EIF2AK3: variants seen among roughly 807,000 people sequenced by gnomAD.
EIF2AK3 encodes the protein eukaryotic translation initiation factor 2-alpha kinase 3.
In EIF2AK3, 50 loss-of-function variants were observed where a neutral mutation model predicts 113.5. The ratio of observed to expected loss-of-function variants is 0.44; its 90% confidence interval spans 0.35 to 0.56. The LOEUF (loss-of-function observed/expected upper bound fraction) is 0.56, where lower values mean the gene tolerates loss of function less well. EIF2AK3 is among the 20% of genes least tolerant of loss of function. EIF2AK3 has a pLI of 0.00. For synonymous variants in EIF2AK3, 448 were observed against 495.4 expected, an observed-to-expected ratio of 0.90 and a Z score of 1.27; for missense variants, 1,185 against 1,378.0, an observed-to-expected ratio of 0.86 and a Z score of 2.22.
At chr2:88,570,572 C>T (rs1206892268) in intron 14 of EIF2AK3, among the ~76,000 whole-genome samples, 6 of 152,160 alleles carry the variant, frequency 3.9e-5, no homozygotes, top group Non-Finnish European at 8.8e-5. Context: ...ACAAGGCAAA[C>T]GAGTTAAGTT....
chr2:88,607,373 T>C (rs970978310), intron 2 of EIF2AK3, among the ~76,000 whole-genome samples: 1 of 152,236 alleles, frequency 6.6e-6, no homozygotes, highest in Non-Finnish European at 1.5e-5. Flanking sequence ...TACTATTAAC[T>C]GGCAAAAATA....
In EIF2AK3 at chr2:88,613,739, G is replaced by T. The variant is rs1473288789; in HGVS notation, c.423C>A (p.Ser141Arg). ...AAATTCTTACCTCTGGTTTGCTAAG[G>T]CTGGATGACACCAAGGAACCGGATC... ...DVGSGSLVSSSLSKPEVFGNK... is the reference protein window; with the variant it reads ...DVGSGSLVSSRLSKPEVFGNK... The change falls in exon 2 of 17, where the codon AGC becomes AGA. Residue 141 changes from serine (S) to arginine (R), a missense_variant. Ser to Arg is a moderately radical substitution (Grantham distance 110). Coordinates refer to ENST00000303236, the MANE Select transcript of EIF2AK3 (RefSeq NM_004836.7). 1.9e-6 allele frequency: 3 copies of T among 1,614,034 alleles called. No individual in the cohort carries two copies. The highest frequency in any genetic ancestry group is 2.5e-6 in the Non-Finnish European group (3 of 1,179,968).
chr2:88,598,931 G>A (rs1401002088), intron 2 of EIF2AK3, among the ~76,000 whole-genome samples: 1 of 152,018 alleles, frequency 6.6e-6, no homozygotes, highest in Non-Finnish European at 1.5e-5. Context: ...GGGAATGGGG[G>A]AGAAGAGTGA....
intron 1 of EIF2AK3, among the ~76,000 whole-genome samples, chr2:88,615,982 T>G (rs1366311209): frequency 6.6e-6 from 1 of 151,932 alleles, no homozygotes; most frequent in Non-Finnish European, 1.5e-5. Flanking sequence ...ATTTCTGCCC[T>G]CCATGAAACA....
intron 4 of EIF2AK3, 50 bp from the exon 5 acceptor site, chr2:88,591,102 C>A: frequency 6.6e-7 from 1 of 1,508,952 alleles, no homozygotes; most frequent in East Asian, 2.3e-5. Flanking sequence ...AAGAAAGGGA[C>A]AAAATAATAT....
In EIF2AK3 at chr2:88,575,323, CCTG is replaced by C. The variant is rs1558648255; in HGVS notation, c.2157_2159del (p.Ser719del). On this transcript the variant is annotated inframe_deletion, in exon 13 of 17. Transcript: ENST00000303236. Reference sequence around the variant, plus strand: ...CACAGGAAATCCCTACTGAAAAAGACCTGCTTCTTTGTGGTGAAGGAGCTATGA... The same window carrying C: ...CACAGGAAATCCCTACTGAAAAAGACCTTCTTTGTGGTGAAGGAGCTATGA... 1.9e-6 allele frequency: 3 copies of C among 1,614,154 alleles called. No individual in the cohort carries two copies. Among genetic ancestry groups the C allele is most frequent in the Non-Finnish European group, 2.5e-6 (3 of 1,180,026 alleles).
At chr2:88,623,496 TTGAG>T (rs769776566) in intron 1 of EIF2AK3, among the ~76,000 whole-genome samples, 5 of 152,194 alleles carry the variant, frequency 3.3e-5, no homozygotes, top group Non-Finnish European at 7.3e-5. Flanking sequence ...GGATTGCTTC[TTGAG>T]TATCAAAAGA....
chr2:88,605,026 A>C, intron 2 of EIF2AK3, among the ~76,000 whole-genome samples: 1 of 152,210 alleles, frequency 6.6e-6, no homozygotes, highest in East Asian at 1.9e-4. Context: ...AATTAGGGTT[A>C]ATAAGAATAT....
At chr2:88,621,081 TTAACTG>T (rs1401882368) in intron 1 of EIF2AK3, among the ~76,000 whole-genome samples, 4 of 152,254 alleles carry the variant, frequency 2.6e-5, no homozygotes, top group African/African-American at 9.6e-5. Context: ...CATTATTCTG[TTAACTG>T]TAAGTTTGCA....
intron 1 of EIF2AK3, among the ~76,000 whole-genome samples, chr2:88,618,149 T>C (rs946872886): frequency 3.9e-5 from 6 of 152,154 alleles, no homozygotes; most frequent in Non-Finnish European, 8.8e-5. Context: ...ACCACTGCAG[T>C]CCAGCCTAAG....
At chr2:88,608,390 T>C (rs1164078596) in intron 2 of EIF2AK3, among the ~76,000 whole-genome samples, 1 of 152,050 alleles carries the variant, frequency 6.6e-6, no homozygotes, top group Non-Finnish European at 1.5e-5. Flanking sequence ...TGATGAAAGC[T>C]TGGAGAAACT....
intron 1 of EIF2AK3, among the ~76,000 whole-genome samples, chr2:88,617,213 T>A (rs957143829): frequency 1.3e-5 from 2 of 152,162 alleles, no homozygotes; most frequent in African/African-American, 4.8e-5. Context: ...AGTGCACTAT[T>A]CACAAGAGCA....
rs1460040943 is a variant in EIF2AK3 at position 88,556,763 on chromosome 2, A to G, written c.*973T>C. The G allele has an allele frequency of 2.6e-5, 4 of 152,258 alleles. No homozygotes were observed. The highest frequency in any genetic ancestry group is 5.9e-5 in the Non-Finnish European group (4 of 68,046). 9.4% of individuals were successfully genotyped at this position (152,258 alleles called of 1,614,324 possible). ...TACTTAATTTAAAAAAAGTTTTATT[A>G]AATCATTTAGACTTGAAAGAAGTCA... On this transcript the variant is annotated 3_prime_UTR_variant, in exon 17 of 17. Coordinates refer to ENST00000303236, the MANE Select transcript of EIF2AK3 (RefSeq NM_004836.7).
chr2:88,593,149 T>A lies in EIF2AK3; in HGVS notation c.767+123A>T, dbSNP rs545463952. The A allele has an allele frequency of 1.2e-3, 979 of 814,682 alleles. 1 individual carries two copies. The highest frequency in any genetic ancestry group is 3.2e-3 in the African/African-American group (182 of 56,006). The allele number at this position is 814,682 out of a possible 1,614,324, so 50.5% of individuals were successfully genotyped here. On this transcript the variant is annotated intron_variant, in intron 4 of 16. Coordinates refer to ENST00000303236, the MANE Select transcript of EIF2AK3 (RefSeq NM_004836.7). Reference sequence around the variant, plus strand: ...AGAGCAAGACTCCGTATCAAAAAAATATATATATATATGCTTTTAAGGCAA... The same window carrying A: ...AGAGCAAGACTCCGTATCAAAAAAAAATATATATATATGCTTTTAAGGCAA...
intron 14 of EIF2AK3, among the ~76,000 whole-genome samples, chr2:88,566,274 T>TA (rs1228656833): frequency 6.6e-6 from 1 of 152,198 alleles, no homozygotes; most frequent in Non-Finnish European, 1.5e-5. Context: ...AAACTTCCTA[T>TA]AGATTTCACT....
chr2:88,586,501 G>A (rs930227233), intron 8 of EIF2AK3, among the ~76,000 whole-genome samples: 1 of 151,620 alleles, frequency 6.6e-6, no homozygotes, highest in Admixed American at 6.6e-5. Flanking sequence ...AGTTTAGGCT[G>A]TCAAAATGAG....
At chr2:88,606,553 A>C (rs577738388) in intron 2 of EIF2AK3, among the ~76,000 whole-genome samples, 1 of 152,224 alleles carries the variant, frequency 6.6e-6, no homozygotes, top group African/African-American at 2.4e-5. Flanking sequence ...GCCATCTTAG[A>C]TGACACAGAC....
At chr2:88,608,233 C>T (rs902659832) in intron 2 of EIF2AK3, among the ~76,000 whole-genome samples, 2 of 152,180 alleles carry the variant, frequency 1.3e-5, no homozygotes, top group Non-Finnish European at 2.9e-5. Flanking sequence ...TTCTGAGTTA[C>T]ATCTGTTTCC....
At chr2:88,580,227 C>T (rs1285469707) in intron 10 of EIF2AK3, among the ~76,000 whole-genome samples, 1 of 152,204 alleles carries the variant, frequency 6.6e-6, no homozygotes, top group Non-Finnish European at 1.5e-5. Context: ...CAGGGGCCTC[C>T]ACTAAGCAGC....
Sources: gnomAD v4.1 joint callset for allele counts (sites outside exome capture counted in the v4.1 genomes callset) on GRCh38, gnomAD v4.1.1 for gene constraint, MANE v1.5 for transcripts, NCBI Gene and HGNC (gene_info 2026-07-23, HGNC 2026-07-21) for gene names.